Variants in TRPM1 observed in about 807,000 individuals in gnomAD.
TRPM1 encodes the protein TRPM1-203 APA Isoform, Intron 10.
In TRPM1, 113 loss-of-function variants were observed where a neutral mutation model predicts 149.4. The ratio of observed to expected loss-of-function variants is 0.76; its 90% CI spans 0.65 to 0.88. The LOEUF is 0.88. TRPM1 is among the 40% of genes least tolerant of loss of function. The probability of loss-of-function intolerance (pLI) is 0.00; values close to 1 mark genes in which losing one functional copy is unlikely to be tolerated. For missense variants in TRPM1, 1,976 were observed against 2,038.7 expected (o/e 0.97, Z 0.59); for synonymous variants, 741 against 759.5 (o/e 0.98, Z 0.40).
At chr15:31,004,006 G>T (rs552464270) in intron 27 of TRPM1, among the ~76,000 whole-genome samples, 1 of 152,228 alleles carries the variant, frequency 6.6e-6, no homozygotes, top group South Asian at 2.1e-4. Flanking sequence ...AAGAGGCAAG[G>T]TATGCCCAGG....
At chr15:31,044,079 GACA>G (rs1278835144) in intron 16 of TRPM1, among the ~76,000 whole-genome samples, 3 of 152,078 alleles carry the variant, frequency 2.0e-5, no homozygotes, top group Admixed American at 2.0e-4. Context: ...ACAGTAGTAT[GACA>G]ACAACAAAAG....
intron 1 of TRPM1, among the ~76,000 whole-genome samples, chr15:31,109,495 G>A (rs1439463084): frequency 2.0e-5 from 3 of 151,636 alleles, no homozygotes; most frequent in Non-Finnish European, 4.4e-5. Context: ...TCTGGAGTTC[G>A]AGATCAACCT....
At chr15:31,039,306 A>G (rs2033532501) in intron 18 of TRPM1, among the ~76,000 whole-genome samples, 2 of 152,142 alleles carry the variant, frequency 1.3e-5, no homozygotes, top group Admixed American at 1.3e-4. Flanking sequence ...TTATTCTTGG[A>G]ATTCTGAAAA....
intron 12 of TRPM1, 116 bp downstream of exon 12, chr15:31,050,293 T>C: frequency 6.7e-7 from 1 of 1,482,442 alleles, no homozygotes; most frequent in Non-Finnish European, 9.4e-7. Flanking sequence ...AGTCAAGCCT[T>C]TACCCGTCCC....
At chr15:31,142,573 TG>T (rs2036175047) in intron 1 of TRPM1, among the ~76,000 whole-genome samples, 1 of 152,216 alleles carries the variant, frequency 6.6e-6, no homozygotes, top group Non-Finnish European at 1.5e-5. Flanking sequence ...TGTTACTTCC[TG>T]TATTTTCTTT....
intron 20 of TRPM1, 77 bp downstream of exon 20, chr15:31,037,634 T>C: frequency 1.9e-6 from 3 of 1,598,562 alleles, no homozygotes; most frequent in Non-Finnish European, 2.6e-6. Flanking sequence ...TTTTAAGCCC[T>C]TGAAGTTTTT....
chr15:31,133,759 C>G (rs2036052283), intron 1 of TRPM1, among the ~76,000 whole-genome samples: 2 of 152,100 alleles, frequency 1.3e-5, no homozygotes, highest in South Asian at 4.1e-4. Flanking sequence ...GAGGCCCCAT[C>G]CAGCCTAGAG....
At chr15:31,089,026 C>G (rs1031127265) in intron 1 of TRPM1, among the ~76,000 whole-genome samples, 1 of 152,236 alleles carries the variant, frequency 6.6e-6, no homozygotes, top group South Asian at 2.1e-4. Context: ...GTGAGGCACT[C>G]AAATGGGGGT....
At chr15:31,110,055 A>T (rs2035663909) in intron 1 of TRPM1, among the ~76,000 whole-genome samples, 1 of 152,238 alleles carries the variant, frequency 6.6e-6, no homozygotes, top group African/African-American at 2.4e-5. Context: ...ATATTGGTTC[A>T]AAAAATTATA....
In TRPM1 at chr15:31,063,180, A is replaced by G. The variant is rs969654954; in HGVS notation, c.903T>C (p.Cys301=). The part of the protein sequence containing the change: ...QEEPPIPVVI[C]DGSGRASDIL... ...TGTCCGAGGCACGTCCGCTGCCATCACAAATCACCACAGGGATGGGAGGCT... is the reference window on the plus strand; with the variant it reads ...TGTCCGAGGCACGTCCGCTGCCATCGCAAATCACCACAGGGATGGGAGGCT... Residue 301 remains cysteine (C), a synonymous_variant, in exon 8 of 28, where the codon TGT becomes TGC. Coordinates refer to ENST00000256552, the MANE Select transcript of TRPM1 (RefSeq NM_001252024.2). The G allele has an allele frequency of 6.2e-7, 1 of 1,614,214 alleles. No individual in the cohort carries two copies. Among genetic ancestry groups the G allele is most frequent in the Non-Finnish European group, 8.5e-7 (1 of 1,180,050 alleles).
chr15:31,145,307 C>G (rs2036211261), intron 1 of TRPM1, among the ~76,000 whole-genome samples: 1 of 152,148 alleles, frequency 6.6e-6, no homozygotes, highest in Admixed American at 6.5e-5. Flanking sequence ...ACAGCCTTCT[C>G]CAAGATGGCA....
chr15:31,137,227 C>T (rs1004123315), intron 1 of TRPM1, among the ~76,000 whole-genome samples: 1 of 152,170 alleles, frequency 6.6e-6, no homozygotes, highest in Admixed American at 6.5e-5. Flanking sequence ...GAGGGATCCT[C>T]TTTATTTCTT....
intron 13 of TRPM1, 48 bp downstream of exon 13, chr15:31,049,327 A>G (rs1230447504): frequency 6.2e-7 from 1 of 1,613,728 alleles, no homozygotes; most frequent in Non-Finnish European, 8.5e-7. Context: ...TGACAAACAC[A>G]TTTAGGTGGC....
At chr15:31,032,479 A>T (rs746124232) in intron 22 of TRPM1, among the ~76,000 whole-genome samples, 1 of 151,978 alleles carries the variant, frequency 6.6e-6, no homozygotes, top group Non-Finnish European at 1.5e-5. Context: ...TATACACAGT[A>T]GGCCCTCAAC....
intron 20 of TRPM1, 54 bp from the exon 21 acceptor site, chr15:31,035,728 A>C: frequency 6.2e-7 from 1 of 1,613,160 alleles, no homozygotes; most frequent in East Asian, 2.2e-5. Flanking sequence ...TAGCAATCAA[A>C]TTTTGAAACG....
rs199890987 is a variant in TRPM1, at chr15:31,002,891, C to A, written c.3809G>T (p.Arg1270Leu). 133 of 1,613,826 alleles carry A rather than the reference C, an allele frequency of 8.2e-5. No homozygotes were observed. Among genetic ancestry groups the A allele is most frequent in the Non-Finnish European group, 1.0e-4 (123 of 1,179,862 alleles). ...DRSDLIQARS[R>L]ASSECEATYL... is the part of the protein sequence containing the mutation. ...CGTTGCCTCACATTCAGAAGAAGCC[C>A]GGGACCGTGCCTGGATCAGGTCAGA... The change falls in exon 28 of 28, where the codon CGG becomes CTG. Residue 1270 changes from arginine to leucine, a missense_variant. Arg to Leu is a moderately radical substitution (Grantham distance 102). Around this residue, in one of 3 missense-constraint regions of TRPM1, gnomAD observed 572 missense variants for 578.9 expected, o/e 0.99. Coordinates refer to ENST00000256552, the MANE Select transcript of TRPM1 (RefSeq NM_001252024.2).
chr15:31,161,090 GC>G, exon 1 of TRPM1: 2 of 924,904 alleles, frequency 2.2e-6, no homozygotes, highest in Non-Finnish European at 3.3e-6. Context: ...CTCGGCGGCA[GC>G]CCCACGCACT....
intron 27 of TRPM1, among the ~76,000 whole-genome samples, chr15:31,012,024 C>A (rs894346149): frequency 2.6e-5 from 4 of 152,138 alleles, no homozygotes; most frequent in Non-Finnish European, 5.9e-5. Flanking sequence ...CCATCCTCCC[C>A]CCATGTTATT....
At position 31,062,720 on chromosome 15, in the gene TRPM1, A is replaced by C; in HGVS notation, c.966-18T>G. 6.2e-7 allele frequency: 1 copy of C among 1,613,336 alleles called. No individual in the cohort carries two copies. The highest frequency in any genetic ancestry group is 8.5e-7 in the Non-Finnish European group (1 of 1,179,912). On this transcript the variant is annotated intron_variant, in intron 8 of 27. Transcript: ENST00000256552. The stretch of plus-strand genomic sequence containing the variant: ...TTATTATTCTGTTCAAAGAAAATGC[A>C]AGAGAACAAAACAAGGCAAGTTAAA...
Sources: gnomAD v4.1 joint callset for allele counts (sites outside exome capture counted in the v4.1 genomes callset) on GRCh38, gnomAD v4.1.1 for gene constraint, gnomAD v4.1.1 regional missense constraint, MANE v1.5 for transcripts, NCBI Gene and HGNC (gene_info 2026-07-23, HGNC 2026-07-21) for gene names.